The following CACNA1C variants were observed in gnomAD, a reference collection of about 807,000 sequenced individuals.
CACNA1C encodes the protein calcium voltage-gated channel subunit alpha1 C.
CACNA1C carries 30 observed loss-of-function variants against 229.0 expected under a neutral mutation model. The ratio of observed to expected loss-of-function variants is 0.13; its 90% CI spans 0.10 to 0.18. The LOEUF (loss-of-function observed/expected upper bound fraction) is 0.18. CACNA1C is among the 10% of genes least tolerant of loss of function. CACNA1C has a pLI of 1.00. For synonymous variants in CACNA1C, 1,114 were observed against 1,132.5 expected, an observed-to-expected ratio of 0.98 and a Z score of 0.33; for missense variants, 1,658 against 2,845.0, an observed-to-expected ratio of 0.58 and a Z score of 9.49.
chr12:2,178,398 A>G (rs1339384991), intron 3 of CACNA1C, among the ~76,000 whole-genome samples: 1 of 152,182 alleles, frequency 6.6e-6, no homozygotes, highest in Non-Finnish European at 1.5e-5. Context: ...CATGGGATGA[A>G]CCTAACTCAG....
chr12:2,051,878 T>C (rs1051747377), upstream of CACNA1C, among the ~76,000 whole-genome samples: 20 of 152,180 alleles, frequency 1.3e-4, no homozygotes, highest in African/African-American at 2.9e-4. Context: ...GGGCTGGAGA[T>C]AGACATTTGA....
At chr12:2,321,767 TGGA>T (rs1160954949) in intron 3 of CACNA1C, among the ~76,000 whole-genome samples, 1 of 152,192 alleles carries the variant, frequency 6.6e-6, no homozygotes, top group Non-Finnish European at 1.5e-5. Flanking sequence ...TGTGAAGATC[TGGA>T]GGAGAAGTTG....
At chr12:2,155,108 G>A (rs2095490597) in intron 3 of CACNA1C, among the ~76,000 whole-genome samples, 1 of 152,096 alleles carries the variant, frequency 6.6e-6, no homozygotes, top group Non-Finnish European at 1.5e-5. Context: ...CAATCCCACA[G>A]GCGCACACAT....
chr12:2,604,037 G>A (rs567297859), intron 22 of CACNA1C, among the ~76,000 whole-genome samples: 133 of 152,188 alleles, frequency 8.7e-4, no homozygotes, highest in African/African-American at 2.9e-3. Flanking sequence ...CTTCTGGGTC[G>A]GGGCAGGATC....
Position 2,677,252 on chromosome 12 carries a change from G to A in CACNA1C, c.4956+31G>A, listed in dbSNP as rs1448445339. ...GGCCTGGGGGCGGGCCCACACTCCA[G>A]GAAGGTCCTGGTCATTGCCTCTGAC... On this transcript the variant is annotated intron_variant, in intron 40 of 46. Transcript: ENST00000399655. This position sits in a 1 kb window ranked among gnomAD's most constrained non-coding sequence, Gnocchi z 7.4. 1.9e-6 allele frequency: 3 copies of A among 1,609,606 alleles called. No individual in the cohort carries two copies. The Admixed American group carries it at 5.0e-5, about 27-fold the overall frequency.
In CACNA1C at chr12:2,651,738, G is replaced by A. The variant is rs911952595; in HGVS notation, c.4044G>A (p.Thr1348=). 5.6e-6 allele frequency: 9 copies of A among 1,612,868 alleles called. No individual in the cohort carries two copies. The African/African-American group carries it at 8.0e-5, about 14-fold the overall frequency. Residue 1348 remains threonine, a synonymous_variant, in exon 32 of 47, where the codon ACG becomes ACA. Transcript: ENST00000399655. This position sits in a 1 kb window ranked among gnomAD's most constrained non-coding sequence, Gnocchi z 5.4. ...TGAGCCGTGGGGAGGGCATCCGGACGCTGCTGTGGACCTTCATCAAGTCCT... is the reference window on the plus strand; with the variant it reads ...TGAGCCGTGGGGAGGGCATCCGGACACTGCTGTGGACCTTCATCAAGTCCT... ...KLLSRGEGIR[T]LLWTFIKSFQ...
intron 38 of CACNA1C, among the ~76,000 whole-genome samples, chr12:2,669,938 T>C (rs2096466227): frequency 6.6e-6 from 1 of 152,166 alleles, no homozygotes; most frequent in Non-Finnish European, 1.5e-5. Flanking sequence ...CGAACCACTA[T>C]GGGAAAGGCT....
At chr12:2,126,184 T>C (rs2089970497) in intron 3 of CACNA1C, among the ~76,000 whole-genome samples, 1 of 152,218 alleles carries the variant, frequency 6.6e-6, no homozygotes, top group Non-Finnish European at 1.5e-5. Context: ...GTATGCTCCA[T>C]CTAACATACA....
At chr12:2,628,759 A>C (rs941191990) in intron 29 of CACNA1C, among the ~76,000 whole-genome samples, 1 of 151,634 alleles carries the variant, frequency 6.6e-6, no homozygotes, top group Non-Finnish European at 1.5e-5. Context: ...AAAATTAAAC[A>C]ATTAGAGGGG....
Position 2,677,070 on chromosome 12 carries a change from C to T in CACNA1C, c.4829-24C>T. 6.2e-7 allele frequency: 1 copy of T among 1,607,176 alleles called. No homozygotes were observed. The highest frequency in any genetic ancestry group is 8.5e-7 in the Non-Finnish European group (1 of 1,175,212). The stretch of plus-strand genomic sequence containing the variant: ...AATTCCCCTGCTCCCCTCTTACCCC[C>T]TCTCCCCTCTCCATACGTCTCAGAT... On this transcript the variant is annotated intron_variant, in intron 39 of 46. Transcript: ENST00000399655. This position sits in a 1 kb window ranked among gnomAD's most constrained non-coding sequence, Gnocchi z 7.4.
intron 1 of CACNA1C, among the ~76,000 whole-genome samples, chr12:1,983,047 T>C (rs1451397499): frequency 6.6e-6 from 1 of 152,092 alleles, no homozygotes; most frequent in Non-Finnish European, 1.5e-5. Context: ...AGTTGCTGAA[T>C]TATAGTACTC....
At chr12:2,536,878 C>T (rs1451455820) in intron 9 of CACNA1C, among the ~76,000 whole-genome samples, 2 of 152,186 alleles carry the variant, frequency 1.3e-5, no homozygotes, top group Non-Finnish European at 2.9e-5. Context: ...TACAATCCTA[C>T]AGACCCCTTC....
chr12:2,094,411 A>C (rs776633223), intron 1 of CACNA1C, among the ~76,000 whole-genome samples: 1 of 152,166 alleles, frequency 6.6e-6, no homozygotes, highest in Non-Finnish European at 1.5e-5. Flanking sequence ...TCAAGTCTTT[A>C]TCAATATTAA....
At chr12:2,268,598 C>T (rs2083394078) in intron 3 of CACNA1C, among the ~76,000 whole-genome samples, 1 of 152,004 alleles carries the variant, frequency 6.6e-6, no homozygotes, top group African/African-American at 2.4e-5. Context: ...AACAGTTGGA[C>T]CTGTGGTGTC....
chr12:2,571,533 C>T (rs893019646), intron 13 of CACNA1C, among the ~76,000 whole-genome samples: 5 of 152,112 alleles, frequency 3.3e-5, no homozygotes, highest in Non-Finnish European at 7.4e-5. Context: ...AAAGATTTAA[C>T]ATTCATTCTA....
intron 3 of CACNA1C, among the ~76,000 whole-genome samples, chr12:2,251,202 G>A (rs2075473008): frequency 3.9e-5 from 6 of 152,170 alleles, no homozygotes; most frequent in Admixed American, 3.3e-4. Context: ...AATAGATCAC[G>A]TTGACAGTCA....
In CACNA1C at chr12:2,325,924, G is replaced by A. The variant is rs866456889; in HGVS notation, c.478-123052G>A. On this transcript the variant is annotated intron_variant, in intron 3 of 46. Transcript: ENST00000399655. Reference sequence around the variant, plus strand: ...CGCCACCAGCCGCTACTGTGTGTGCGAGCTCAACTGGCTTTTCCCAAGGGG... The same window carrying A: ...CGCCACCAGCCGCTACTGTGTGTGCAAGCTCAACTGGCTTTTCCCAAGGGG... 3.9e-5 allele frequency among the ~76,000 whole-genome samples: 6 copies of A among 152,192 alleles called. No individual in the cohort carries two copies. In the South Asian group the frequency reaches 1.0e-3, roughly 26 times the overall value.
intron 3 of CACNA1C, among the ~76,000 whole-genome samples, chr12:2,166,759 C>T (rs2096254943): frequency 6.6e-6 from 1 of 152,148 alleles, no homozygotes; most frequent in Non-Finnish European, 1.5e-5. Context: ...GTTAACTAGT[C>T]TAAGCAGAGG....
chr12:2,444,429 T>G (rs1220023780), intron 3 of CACNA1C, among the ~76,000 whole-genome samples: 2 of 152,150 alleles, frequency 1.3e-5, no homozygotes, highest in East Asian at 3.9e-4. Flanking sequence ...GGGATGAGGT[T>G]TCTGATGGGA....
Sources: gnomAD v4.1 joint callset for allele counts (sites outside exome capture counted in the v4.1 genomes callset) on GRCh38, gnomAD v4.1.1 for gene constraint, Gnocchi (gnomAD v3.1) non-coding constraint, MANE v1.5 for transcripts, NCBI Gene and HGNC (gene_info 2026-07-23, HGNC 2026-07-21) for gene names.